UTY: variants seen among roughly 807,000 people sequenced by gnomAD.
The protein encoded by UTY is histone demethylase UTY.
A neutral mutation model predicts 32.5 loss-of-function variants in UTY; 12 were observed. That is an observed-to-expected ratio of 0.37 (90% CI 0.24 to 0.60). The LOEUF (loss-of-function observed/expected upper bound fraction) is 0.60, where lower values mean the gene tolerates loss of function less well. UTY is among the 20% of genes least tolerant of loss of function. The probability of loss-of-function intolerance (pLI) is 0.69; values close to 1 mark genes in which losing one functional copy is unlikely to be tolerated. For synonymous variants in UTY, 131 were observed against 103.4 expected (o/e 1.27, Z -1.62); for missense variants, 303 against 299.2 (o/e 1.01, Z -0.09).
Position 13,325,135 on chromosome Y carries a change from C to A in UTY, c.2965-429G>T, listed in dbSNP as rs543759537. ...AGAAGAGACATTTAAAGTTTAAAAT[C>A]AAACTGTTTTATAAACTATTAACAA... is the stretch of plus-strand genomic sequence containing the variant. On this transcript the variant is annotated intron_variant, in intron 19 of 29. Coordinates refer to ENST00000545955, the MANE Select transcript of UTY (RefSeq NM_001258249.2). Among the ~76,000 whole-genome samples, 12 of 33,309 alleles carry A rather than the reference C, an allele frequency of 3.6e-4. No homozygotes were observed. The South Asian group carries it at 7.9e-3, about 22-fold the overall frequency. 89.4% of individuals were successfully genotyped at this position (33,309 alleles called of 37,273 possible).
intron 28 of UTY, among the ~76,000 whole-genome samples, chrY:13,253,853 A>C (rs2054414244): frequency 3.0e-5 from 1 of 33,122 alleles, no homozygotes; most frequent in African/African-American, 1.2e-4. Context: ...ATGTAACTGC[A>C]GACCAGCTTT....
chrY:13,404,963 A>G (rs2069647023), intron 6 of UTY, among the ~76,000 whole-genome samples: 1 of 33,153 alleles, frequency 3.0e-5, no homozygotes, highest in Non-Finnish European at 7.5e-5. Context: ...GACATCTGTC[A>G]AGTTTATTGC....
chrY:13,261,749 G>A lies in UTY; in HGVS notation c.4011-1345C>T. On this transcript the variant is annotated intron_variant, in intron 27 of 29. Transcript: ENST00000545955. ...TTAAAACATAAGTACAGCAATATAA[G>A]CCTAATGTGGCACGACAAATTCCTT... Among the ~76,000 whole-genome samples the A allele has an allele frequency of 9.0e-5, 3 of 33,223 alleles. No individual in the cohort carries two copies. In the East Asian group the frequency reaches 2.3e-3, roughly 26 times the overall value. The allele number at this position is 33,223 out of a possible 37,273, so 89.1% of individuals were successfully genotyped here.
At chrY:13,265,090 A>C in intron 27 of UTY, among the ~76,000 whole-genome samples, 3 of 33,263 alleles carry the variant, frequency 9.0e-5, no homozygotes, top group African/African-American at 2.4e-4. Flanking sequence ...GTTCGGTTTC[A>C]TTCATCTATG....
intron 4 of UTY, among the ~76,000 whole-genome samples, chrY:13,417,905 C>T: frequency 3.0e-5 from 1 of 33,397 alleles, no homozygotes; most frequent in Non-Finnish European, 7.4e-5. Context: ...CCACTTGTTT[C>T]ATGATGAGCA....
chrY:13,269,350 C>T, intron 27 of UTY, among the ~76,000 whole-genome samples: 2 of 32,038 alleles, frequency 6.2e-5, no homozygotes, highest in Non-Finnish European at 1.5e-4. Context: ...GGCAGACACC[C>T]CTCCCCACAC....
intron 3 of UTY, among the ~76,000 whole-genome samples, chrY:13,469,314 C>A (rs2078241421): frequency 6.7e-5 from 2 of 29,959 alleles, no homozygotes; most frequent in Admixed American, 3.2e-4. Context: ...CAGGTCCAAG[C>A]GATTCTCCTG....
intron 25 of UTY, among the ~76,000 whole-genome samples, chrY:13,301,843 G>A: frequency 6.0e-5 from 2 of 33,361 alleles, no homozygotes; most frequent in African/African-American, 2.3e-4. Context: ...TTACTGATAA[G>A]TTTTAAATGT....
At position 13,257,782 on chromosome Y, in the gene UTY, A is replaced by G. The variant is rs753711484; in HGVS notation, c.4137+2496T>C. On this transcript the variant is annotated intron_variant, in intron 28 of 29. Coordinates refer to ENST00000545955, the MANE Select transcript of UTY (RefSeq NM_001258249.2). ...AGGATCCTGAGGATCCCCCGGTTAC[A>G]GCCATGTTGAGACTGACACTGAGGA... Among the ~76,000 whole-genome samples the G allele has an allele frequency of 2.4e-4, 8 of 32,669 alleles. No individual in the cohort carries two copies. The East Asian group carries it at 6.6e-3, about 27-fold the overall frequency. The allele number at this position is 32,669 out of a possible 37,273, so 87.6% of individuals were successfully genotyped here.
chrY:13,307,741 T>C (rs967724520), intron 21 of UTY, among the ~76,000 whole-genome samples: 16 of 32,509 alleles, frequency 4.9e-4, no homozygotes, highest in Admixed American at 1.4e-3. Context: ...AAAAGAAAAA[T>C]AGCCAAATTA....
chrY:13,421,962 A>AT (rs2072611013), intron 4 of UTY, among the ~76,000 whole-genome samples: 3 of 33,093 alleles, frequency 9.1e-5, no homozygotes, highest in Admixed American at 2.7e-4. Context: ...GTCTACTATA[A>AT]TTTTTTTTAA....
intron 27 of UTY, among the ~76,000 whole-genome samples, chrY:13,286,058 C>A (rs1603304666): frequency 3.0e-5 from 1 of 33,895 alleles, no homozygotes; most frequent in Non-Finnish European, 7.3e-5. Flanking sequence ...AGACTAGGAG[C>A]TGTACATGGA....
chrY:13,391,480 C>T, intron 8 of UTY, among the ~76,000 whole-genome samples: 3 of 32,605 alleles, frequency 9.2e-5, no homozygotes, highest in Admixed American at 8.3e-4. Context: ...ATGGGAGGGA[C>T]CCAGTGGGAG....
At chrY:13,278,835 A>C in intron 27 of UTY, among the ~76,000 whole-genome samples, 3 of 33,724 alleles carry the variant, frequency 8.9e-5, no homozygotes, top group African/African-American at 3.5e-4. Context: ...TCTTCAAAGG[A>C]AGGACACATT....
At chrY:13,440,277 A>G (rs2075059500) in intron 4 of UTY, among the ~76,000 whole-genome samples, 1 of 33,882 alleles carries the variant, frequency 3.0e-5, no homozygotes, top group Admixed American at 2.7e-4. Flanking sequence ...ATAAGTAGAT[A>G]AGTAAATAAG....
intron 2 of UTY, among the ~76,000 whole-genome samples, chrY:13,476,223 T>G: frequency 3.0e-5 from 1 of 33,590 alleles, no homozygotes; most frequent in Non-Finnish European, 7.4e-5. Context: ...ACGTAAACAA[T>G]AACAACTCTA....
intron 10 of UTY, among the ~76,000 whole-genome samples, chrY:13,361,883 C>A: frequency 6.1e-5 from 2 of 32,790 alleles, no homozygotes; most frequent in African/African-American, 2.4e-4. Flanking sequence ...ACAAGAAATG[C>A]CAGTAACTGA....
In UTY at chrY:13,323,536, G is replaced by A. The variant is rs781001182; in HGVS notation, c.3276+19C>T. 1 of 380,055 alleles carries A rather than the reference G, an allele frequency of 2.6e-6. No homozygotes were observed. The highest frequency in any genetic ancestry group is 3.0e-5 in the South Asian group (1 of 33,264). The allele number at this position is 380,055 out of a possible 400,897, so 94.8% of individuals were successfully genotyped here. A position where few individuals can be genotyped will look rare whatever the true frequency, so the allele number is the denominator to read the frequency against. ...TTAAAAAATAGCAACAATTAAAAAAGGAAGAAAGAAAAACTTACTCTCAAT... is the reference window on the plus strand; with the variant it reads ...TTAAAAAATAGCAACAATTAAAAAAAGAAGAAAGAAAAACTTACTCTCAAT... On this transcript the variant is annotated intron_variant, in intron 21 of 29. Transcript: ENST00000545955.
intron 3 of UTY, among the ~76,000 whole-genome samples, chrY:13,466,638 C>T: frequency 3.0e-5 from 1 of 33,222 alleles, no homozygotes; most frequent in Non-Finnish European, 7.4e-5. Context: ...ATTAGTCATT[C>T]TTGGAGTAAT....
Sources: allele counts gnomAD v4.1 joint callset (sites outside exome capture counted in the v4.1 genomes callset), GRCh38; gene constraint gnomAD v4.1.1; transcripts MANE v1.5; gene names NCBI Gene and HGNC (gene_info 2026-07-23, HGNC 2026-07-21).